CNBD1: variants seen among roughly 807,000 people sequenced by gnomAD.
The protein encoded by CNBD1 is cyclic nucleotide binding domain containing 1.
In CNBD1, 71 loss-of-function variants were observed where a neutral mutation model predicts 54.4. The ratio of observed to expected loss-of-function variants is 1.30; its 90% CI spans 1.08 to 1.59. CNBD1 has a LOEUF of 1.59. Ranked by LOEUF, CNBD1 falls within the 40% of genes most tolerant of loss-of-function variation. The pLI, the probability that CNBD1 is intolerant of heterozygous loss-of-function variation, is 0.00. For synonymous variants in CNBD1, 182 were observed against 170.7 expected, an observed-to-expected ratio of 1.07 and a Z score of -0.51; for missense variants, 659 against 518.0, an observed-to-expected ratio of 1.27 and a Z score of -2.64.
chr8:87,071,919 C>A (rs759015351), intron 4 of CNBD1, among the ~76,000 whole-genome samples: 18 of 152,078 alleles, frequency 1.2e-4, no homozygotes, highest in Non-Finnish European at 2.4e-4. Context: ...GTATTAAAAT[C>A]TCCCACTATA....
intron 6 of CNBD1, among the ~76,000 whole-genome samples, chr8:87,264,873 T>C (rs1808216377): frequency 6.6e-6 from 1 of 152,160 alleles, no homozygotes. Context: ...TAAATTTGTT[T>C]AAGTTCTTTG....
intron 4 of CNBD1, among the ~76,000 whole-genome samples, chr8:87,117,457 G>T (rs1381916322): frequency 1.4e-5 from 2 of 147,612 alleles, no homozygotes; most frequent in Admixed American, 6.7e-5. Context: ...ACCTAGGATA[G>T]TTGGACATGA....
intron 3 of CNBD1, among the ~76,000 whole-genome samples, chr8:86,907,337 A>G (rs1176765849): frequency 6.6e-6 from 1 of 152,198 alleles, no homozygotes; most frequent in Non-Finnish European, 1.5e-5. Context: ...TATGAAGCAC[A>G]TGGGATAAGA....
intron 2 of CNBD1, among the ~76,000 whole-genome samples, chr8:87,425,024 T>C (rs1026288944): frequency 2.6e-5 from 4 of 152,102 alleles, no homozygotes; most frequent in Non-Finnish European, 5.9e-5. Context: ...TCATTTCTTT[T>C]TATTCTTTTT....
intron 4 of CNBD1, among the ~76,000 whole-genome samples, chr8:86,968,614 G>A (rs1032024905): frequency 4.6e-5 from 7 of 152,164 alleles, no homozygotes; most frequent in African/African-American, 1.4e-4. Flanking sequence ...CAAAGGAGAA[G>A]GGCAGATATT....
chr8:87,067,998 C>T (rs114009099), intron 4 of CNBD1, among the ~76,000 whole-genome samples: 410 of 152,106 alleles, frequency 2.7e-3, no homozygotes, highest in African/African-American at 9.6e-3. Flanking sequence ...TAAAAACAGG[C>T]ACACTTAATC....
intron 4 of CNBD1, among the ~76,000 whole-genome samples, chr8:87,012,356 T>C (rs1013565923): frequency 5.3e-4 from 80 of 152,326 alleles, no homozygotes; most frequent in African/African-American, 1.9e-3. Context: ...AAACCACAAA[T>C]TCTCATCAGA....
chr8:86,938,951 G>A (rs1273149215), intron 3 of CNBD1, among the ~76,000 whole-genome samples: 1 of 152,110 alleles, frequency 6.6e-6, no homozygotes, highest in Non-Finnish European at 1.5e-5. Flanking sequence ...ATGTAATCCA[G>A]ATTCATTTCT....
intron 8 of CNBD1, among the ~76,000 whole-genome samples, chr8:87,350,317 C>T (rs780995243): frequency 6.6e-6 from 1 of 151,860 alleles, no homozygotes; most frequent in Non-Finnish European, 1.5e-5. Context: ...TGATTGACAA[C>T]AGTAGAATAA....
At chr8:86,924,699 T>C (rs1158257358) in intron 3 of CNBD1, among the ~76,000 whole-genome samples, 1 of 152,190 alleles carries the variant, frequency 6.6e-6, no homozygotes, top group Non-Finnish European at 1.5e-5. Flanking sequence ...TATTTGATGA[T>C]TATTTTATAA....
chr8:87,112,287 G>C (rs141060434), intron 4 of CNBD1, among the ~76,000 whole-genome samples: 1 of 152,296 alleles, frequency 6.6e-6, no homozygotes, highest in African/African-American at 2.4e-5. Flanking sequence ...TCATGGGATA[G>C]TGCCCTGTTT....
At chr8:87,357,240 G>T (rs1465193275) in intron 10 of CNBD1, among the ~76,000 whole-genome samples, 1 of 152,078 alleles carries the variant, frequency 6.6e-6, no homozygotes, top group Admixed American at 6.6e-5. Context: ...TCCCCATTGG[G>T]GCACTGCCTA....
At chr8:87,273,625 G>GT (rs2130860104) in intron 6 of CNBD1, among the ~76,000 whole-genome samples, 1 of 151,966 alleles carries the variant, frequency 6.6e-6, no homozygotes, top group South Asian at 2.1e-4. Context: ...CCAGTAACTT[G>GT]TTTTCTCTAA....
intron 8 of CNBD1, among the ~76,000 whole-genome samples, chr8:87,324,089 A>G (rs1447667427): frequency 5.6e-5 from 7 of 124,622 alleles, no homozygotes; most frequent in Non-Finnish European, 9.0e-5. Flanking sequence ...GGCTCTTTTT[A>G]TATGCTGGAT....
intron 4 of CNBD1, among the ~76,000 whole-genome samples, chr8:86,969,329 A>G (rs1311438567): frequency 1.3e-5 from 2 of 152,192 alleles, no homozygotes; most frequent in Admixed American, 6.5e-5. Flanking sequence ...TTTTGATTGA[A>G]GAGATGAAAT....
intron 6 of CNBD1, among the ~76,000 whole-genome samples, chr8:87,257,415 T>C (rs1461148136): frequency 3.4e-5 from 5 of 146,762 alleles, no homozygotes; most frequent in African/African-American, 1.0e-4. Flanking sequence ...AATTTCTTTA[T>C]AAATGTTTAT....
intron 6 of CNBD1, among the ~76,000 whole-genome samples, chr8:87,257,429 G>C (rs930395317): frequency 1.3e-5 from 2 of 148,656 alleles, no homozygotes; most frequent in African/African-American, 5.0e-5. Flanking sequence ...TGTTTATGTG[G>C]CCAATCAGGT....
chr8:87,168,817 T>A (rs954867654), intron 4 of CNBD1, among the ~76,000 whole-genome samples: 2 of 151,952 alleles, frequency 1.3e-5, no homozygotes, highest in African/African-American at 2.4e-5. Context: ...GCCACATTTT[T>A]AAAATTCATC....
At chr8:86,954,259 C>G (rs533285622) in intron 4 of CNBD1, among the ~76,000 whole-genome samples, 1 of 152,158 alleles carries the variant, frequency 6.6e-6, no homozygotes, top group African/African-American at 2.4e-5. Context: ...AAAATAAAAC[C>G]TTACAGACAA....
Sources: allele counts gnomAD v4.1 joint callset (sites outside exome capture counted in the v4.1 genomes callset), GRCh38; gene constraint gnomAD v4.1.1; transcripts MANE v1.5; gene names NCBI Gene and HGNC (gene_info 2026-07-23, HGNC 2026-07-21).